Variants in EEPD1 observed in about 807,000 individuals in gnomAD.
EEPD1 encodes endonuclease/exonuclease/phosphatase family domain containing 1, also known as endonuclease/exonuclease/phosphatase family domain-containing protein 1.
Under a neutral mutation model 46.3 loss-of-function variants are expected in EEPD1, and 17 were observed. That is an observed-to-expected ratio of 0.37 (90% CI 0.25 to 0.55). The LOEUF (loss-of-function observed/expected upper bound fraction) is 0.55, where lower values mean the gene tolerates loss of function less well. EEPD1 is among the 20% of genes least tolerant of loss of function. The pLI, the probability that EEPD1 is intolerant of heterozygous loss-of-function variation, is 0.83. For missense variants in EEPD1, 673 were observed against 745.6 expected (o/e 0.90, Z 1.13); for synonymous variants, 313 against 315.6 (o/e 0.99, Z 0.09).
intron 6 of EEPD1, among the ~76,000 whole-genome samples, chr7:36,292,081 C>A (rs966912650): frequency 6.6e-6 from 1 of 152,242 alleles, no homozygotes; most frequent in African/African-American, 2.4e-5. Context: ...CACTGTGTGT[C>A]TCTCCCTGAC....
At position 36,281,145 on chromosome 7, in the gene EEPD1, C is replaced by T. The variant is rs1787254543; in HGVS notation, c.961C>T (p.Pro321Ser). ...CACGGAGCTAAACCAGCCGACCCTG[C>T]CCAACATCCGCAAGTGGAAGGGGCC... ...FCTELNQPTL[P>S]NIRKWKGPRG... The change falls in exon 4 of 8, where the codon CCC becomes TCC. Residue 321 changes from proline to serine, a missense_variant. Pro to Ser is a moderately conservative substitution (Grantham distance 74, BLOSUM62 -1). Transcript: ENST00000242108. 6.2e-7 allele frequency: 1 copy of T among 1,614,172 alleles called. No individual in the cohort carries two copies. The highest frequency in any genetic ancestry group is 8.5e-7 in the Non-Finnish European group (1 of 1,180,050).
intron 3 of EEPD1, among the ~76,000 whole-genome samples, chr7:36,243,571 T>C (rs1244912113): frequency 6.6e-6 from 1 of 152,164 alleles, no homozygotes; most frequent in Admixed American, 6.6e-5. Flanking sequence ...CCTGCTGTGA[T>C]AGAACTGGTC....
At chr7:36,268,797 T>C (rs969927960) in intron 3 of EEPD1, among the ~76,000 whole-genome samples, 13 of 152,140 alleles carry the variant, frequency 8.5e-5, no homozygotes, top group Admixed American at 1.3e-4. Flanking sequence ...GCTTTAGAAA[T>C]AGCAAATACG....
chr7:36,210,542 G>A (rs188416986), intron 2 of EEPD1, among the ~76,000 whole-genome samples: 2 of 152,202 alleles, frequency 1.3e-5, no homozygotes, highest in East Asian at 3.9e-4. Flanking sequence ...ATCAAATCCT[G>A]GCTGCTTCTG....
chr7:36,227,151 T>C (rs1199067077), intron 2 of EEPD1, among the ~76,000 whole-genome samples: 1 of 152,206 alleles, frequency 6.6e-6, no homozygotes, highest in Non-Finnish European at 1.5e-5. Context: ...TGCTCAAAAT[T>C]TGAAAATCTG....
chr7:36,160,007 A>T lies in EEPD1; in HGVS notation c.878+4805A>T, dbSNP rs867450661. On this transcript the variant is annotated intron_variant, in intron 2 of 7. Coordinates refer to ENST00000242108, the MANE Select transcript of EEPD1 (RefSeq NM_030636.3). ...CCAATGTAGGCAGAACTTAGGGTTT[A>T]TCTCACTAAAGGGAAAGGTGTGACT... is the stretch of plus-strand genomic sequence containing the variant. Among the ~76,000 whole-genome samples the T allele has an allele frequency of 2.0e-5, 3 of 152,232 alleles. No homozygotes were observed. In the South Asian group the frequency reaches 6.2e-4, roughly 31 times the overall value.
chr7:36,276,576 G>C (rs1706007725), intron 3 of EEPD1, among the ~76,000 whole-genome samples: 1 of 152,190 alleles, frequency 6.6e-6, no homozygotes, highest in South Asian at 2.1e-4. Flanking sequence ...TTGACGTACA[G>C]GGTCCCGGGA....
At chr7:36,289,234 T>A (rs1197952050) in intron 6 of EEPD1, among the ~76,000 whole-genome samples, 3 of 152,228 alleles carry the variant, frequency 2.0e-5, no homozygotes, top group Non-Finnish European at 4.4e-5. Flanking sequence ...GTGCTACTAA[T>A]GTATTGACAT....
At chr7:36,269,864 A>G (rs1378414447) in intron 3 of EEPD1, among the ~76,000 whole-genome samples, 1 of 152,258 alleles carries the variant, frequency 6.6e-6, no homozygotes, top group Non-Finnish European at 1.5e-5. Flanking sequence ...AATCATTTCG[A>G]ACATGAGAGG....
At chr7:36,272,721 A>G (rs969131062) in intron 3 of EEPD1, among the ~76,000 whole-genome samples, 13 of 151,874 alleles carry the variant, frequency 8.6e-5, no homozygotes, top group Admixed American at 6.5e-4. Flanking sequence ...TTTGCTTTCT[A>G]CCTTCCTCTG....
chr7:36,259,172 A>G (rs1169947330), intron 3 of EEPD1, among the ~76,000 whole-genome samples: 1 of 152,098 alleles, frequency 6.6e-6, no homozygotes, highest in Non-Finnish European at 1.5e-5. Context: ...CGTGGGCTGC[A>G]CCCACTGTCT....
chr7:36,235,932 T>G (rs1241364326), intron 2 of EEPD1, among the ~76,000 whole-genome samples: 1 of 151,360 alleles, frequency 6.6e-6, no homozygotes, highest in African/African-American at 2.4e-5. Context: ...TTTTCCTTTT[T>G]TTTTTTTTTT....
intron 2 of EEPD1, among the ~76,000 whole-genome samples, chr7:36,188,542 G>A (rs570624230): frequency 1.3e-5 from 2 of 152,308 alleles, no homozygotes; most frequent in South Asian, 4.1e-4. Context: ...ACACAGGCTG[G>A]GTGGGTCCTG....
At chr7:36,267,784 T>C (rs1039045546) in intron 3 of EEPD1, among the ~76,000 whole-genome samples, 1 of 152,210 alleles carries the variant, frequency 6.6e-6, no homozygotes, top group African/African-American at 2.4e-5. Flanking sequence ...CAACTTGTTA[T>C]GTTCAAGTCC....
chr7:36,188,187 G>GTCTCTTTCTTTATCTTACTC (rs1785396472), intron 2 of EEPD1, among the ~76,000 whole-genome samples: 1 of 151,982 alleles, frequency 6.6e-6, no homozygotes. Flanking sequence ...TGGTCTATGA[G>GTCTCTTTCTTTATCTTACTC]TCTCTTTCTC....
chr7:36,279,543 A>G, intron 3 of EEPD1, among the ~76,000 whole-genome samples: 1 of 152,108 alleles, frequency 6.6e-6, no homozygotes, highest in East Asian at 1.9e-4. Context: ...TCTCCCAACC[A>G]TTGTATGTGG....
intron 2 of EEPD1, among the ~76,000 whole-genome samples, chr7:36,215,151 C>T (rs987213077): frequency 1.3e-5 from 2 of 152,208 alleles, no homozygotes; most frequent in Admixed American, 1.3e-4. Flanking sequence ...GCTTTGAAGA[C>T]ACGGGTGAGA....
intron 2 of EEPD1, among the ~76,000 whole-genome samples, chr7:36,174,824 C>T (rs1353754724): frequency 6.6e-6 from 1 of 152,216 alleles, no homozygotes; most frequent in Non-Finnish European, 1.5e-5. Flanking sequence ...GTCAACTAAT[C>T]AGTAAGGGCT....
intron 2 of EEPD1, among the ~76,000 whole-genome samples, chr7:36,214,063 A>G (rs921995450): frequency 2.6e-5 from 4 of 152,204 alleles, no homozygotes; most frequent in Non-Finnish European, 5.9e-5. Context: ...ACCAGTGCCA[A>G]TGATGAGAGA....
Sources: gnomAD v4.1 joint callset for allele counts (sites outside exome capture counted in the v4.1 genomes callset) on GRCh38, gnomAD v4.1.1 for gene constraint, MANE v1.5 for transcripts, NCBI Gene and HGNC (gene_info 2026-07-23, HGNC 2026-07-21) for gene names.